Variants in RMI1 observed in about 807,000 individuals in gnomAD.
RMI1 encodes the protein recQ-mediated genome instability protein 1.
A neutral mutation model predicts 46.7 loss-of-function variants in RMI1; 36 were observed. The ratio of observed to expected loss-of-function variants is 0.77; its 90% CI spans 0.59 to 1.02. The LOEUF (loss-of-function observed/expected upper bound fraction) is 1.02, where lower values mean the gene tolerates loss of function less well. RMI1 is among the 50% of genes least tolerant of loss of function. RMI1 has a pLI of 0.00. For missense variants in RMI1, 676 were observed against 713.7 expected, an observed-to-expected ratio of 0.95 and a Z score of 0.60; for synonymous variants, 250 against 252.9, an observed-to-expected ratio of 0.99 and a Z score of 0.11.
chr9:83,988,972 T>C (rs2133107843), intron 1 of RMI1, among the ~76,000 whole-genome samples: 1 of 152,278 alleles, frequency 6.6e-6, no homozygotes, highest in South Asian at 2.1e-4. Context: ...TCCTCCCATC[T>C]CAACCTCCTG....
In RMI1 at chr9:84,002,325, G is replaced by A. The variant is rs1957750909; in HGVS notation, c.1339G>A (p.Val447Met). 1.9e-6 allele frequency: 3 copies of A among 1,600,108 alleles called. No individual in the cohort carries two copies. The highest frequency in any genetic ancestry group is 2.2e-5 in the South Asian group (2 of 90,558). The change falls in exon 3 of 3, where the codon GTG becomes ATG. Residue 447 changes from valine (V) to methionine (M), a missense_variant. Val to Met is a conservative substitution (Grantham distance 21, BLOSUM62 1). Coordinates refer to ENST00000445877, the MANE Select transcript of RMI1 (RefSeq NM_001358291.2). ...SLNNKILNREVVNYVQKRNSQ... is the reference protein window; with the variant it reads ...SLNNKILNREMVNYVQKRNSQ... ...AAATAATAAAATATTAAATAGAGAG[G>A]TGGTCAACTATGTACAGAAAAGGAA...
In RMI1 at chr9:84,002,922, T is replaced by C; in HGVS notation, c.*58T>C. The C allele has an allele frequency of 9.3e-7, 1 of 1,070,538 alleles. No individual in the cohort carries two copies. The allele number at this position is 1,070,538 out of a possible 1,614,324, so 66.3% of individuals were successfully genotyped here. A position where few individuals can be genotyped will look rare whatever the true frequency, so the allele number is the denominator to read the frequency against. ...ACAACAAGGAAATATTTAGAATTTG[T>C]TCACAATTTTACTTATGATACTTTG... On this transcript the variant is annotated 3_prime_UTR_variant, in exon 3 of 3. Transcript: ENST00000445877.
intron 1 of RMI1, among the ~76,000 whole-genome samples, chr9:83,998,154 T>A (rs1298729762): frequency 6.6e-6 from 1 of 152,190 alleles, no homozygotes; most frequent in Non-Finnish European, 1.5e-5. Flanking sequence ...ATTTGGTTTC[T>A]TTGTTAAAGA....
chr9:83,982,392 G>A lies in RMI1; in HGVS notation c.-126+1501G>A, dbSNP rs201460943. Among the ~76,000 whole-genome samples, 43 of 152,244 alleles carry A rather than the reference G, an allele frequency of 2.8e-4. No individual in the cohort carries two copies. The East Asian group carries it at 6.7e-3, about 24-fold the overall frequency. On this transcript the variant is annotated intron_variant, in intron 1 of 2. Transcript: ENST00000445877. The stretch of plus-strand genomic sequence containing the variant: ...ATAAGAACCTCTTCCGGCCGGGCAC[G>A]GTGGCTCACGCCTGTAATCCCAGCA...
At chr9:83,983,090 A>G (rs1173181448) in intron 1 of RMI1, among the ~76,000 whole-genome samples, 2 of 152,252 alleles carry the variant, frequency 1.3e-5, no homozygotes, top group Non-Finnish European at 2.9e-5. Context: ...AATGTACACT[A>G]TCCAGCTGCA....
intron 1 of RMI1, among the ~76,000 whole-genome samples, chr9:83,994,996 C>T (rs1957628743): frequency 6.6e-6 from 1 of 151,932 alleles, no homozygotes; most frequent in African/African-American, 2.4e-5. Context: ...AAAATTTCAA[C>T]CATTATTTAT....
intron 1 of RMI1, among the ~76,000 whole-genome samples, chr9:83,992,013 A>G (rs1245100649): frequency 6.6e-6 from 1 of 152,142 alleles, no homozygotes; most frequent in African/African-American, 2.4e-5. Flanking sequence ...GTTATTTTTT[A>G]TAAAAAGATT....
intron 1 of RMI1, among the ~76,000 whole-genome samples, chr9:83,989,780 T>C (rs970256509): frequency 3.9e-5 from 6 of 152,044 alleles, no homozygotes; most frequent in Non-Finnish European, 7.4e-5. Context: ...TAAAAAACAG[T>C]ATGGAGGTTC....
intron 2 of RMI1, among the ~76,000 whole-genome samples, chr9:84,000,593 G>T (rs1241187424): frequency 6.6e-6 from 1 of 152,154 alleles, no homozygotes; most frequent in Non-Finnish European, 1.5e-5. Context: ...TCCTTTATAG[G>T]TCTGACATTA....
In RMI1 at chr9:84,001,897, T is replaced by C; in HGVS notation, c.911T>C (p.Ile304Thr). Residue 304 changes from isoleucine (I) to threonine (T), a missense_variant, in exon 3 of 3, where the codon ATA becomes ACA. By Grantham distance (89) the Ile-to-Thr change is moderately conservative. Coordinates refer to ENST00000445877, the MANE Select transcript of RMI1 (RefSeq NM_001358291.2). ...AAAGAGGAACCATCAAACCTATCTA[T>C]ACATGTAATGGATGGAGAATTAGAT... ...RPKEEPSNLS[I>T]HVMDGELDDF... 1 of 1,614,060 alleles carries C rather than the reference T, an allele frequency of 6.2e-7. No homozygotes were observed. The highest frequency in any genetic ancestry group is 8.5e-7 in the Non-Finnish European group (1 of 1,179,950).
At position 83,987,210 on chromosome 9, in the gene RMI1, G is replaced by A. The variant is rs1009413939; in HGVS notation, c.-126+6319G>A. On this transcript the variant is annotated intron_variant, in intron 1 of 2. Coordinates refer to ENST00000445877, the MANE Select transcript of RMI1 (RefSeq NM_001358291.2). ...CCTGAGTAGCTGGAATTACAAGCAC[G>A]TGCCACCACGCCCAGCTAATTTTTG... 2.6e-5 allele frequency among the ~76,000 whole-genome samples: 4 copies of A among 151,980 alleles called. No homozygotes were observed. In the East Asian group the frequency reaches 5.8e-4, roughly 22 times the overall value.
At chr9:83,990,778 AT>A (rs1453308938) in intron 1 of RMI1, among the ~76,000 whole-genome samples, 1 of 151,938 alleles carries the variant, frequency 6.6e-6, no homozygotes, top group Admixed American at 6.6e-5. Context: ...TCATTTTAAT[AT>A]TTGTTTTCTT....
intron 1 of RMI1, among the ~76,000 whole-genome samples, chr9:83,991,026 C>T (rs952089786): frequency 1.3e-5 from 2 of 152,052 alleles, no homozygotes; most frequent in South Asian, 2.1e-4. Context: ...AGGCTGGTCT[C>T]GAACTCCCGA....
At chr9:83,993,847 G>T (rs1479974353) in intron 1 of RMI1, among the ~76,000 whole-genome samples, 1 of 151,776 alleles carries the variant, frequency 6.6e-6, no homozygotes, top group Non-Finnish European at 1.5e-5. Flanking sequence ...GAGTGCAGTC[G>T]CACACTTACG....
At chr9:83,994,544 T>C (rs1214933095) in intron 1 of RMI1, among the ~76,000 whole-genome samples, 2 of 152,240 alleles carry the variant, frequency 1.3e-5, no homozygotes, top group East Asian at 1.9e-4. Flanking sequence ...CACCATTTGC[T>C]GAAGAGAGTA....
rs184680604 is a variant in RMI1 at position 83,981,576 on chromosome 9, C to T, written c.-126+685C>T. On this transcript the variant is annotated intron_variant, in intron 1 of 2. Transcript: ENST00000445877. ...AGGTCACTTTCAATCGGTGACAGCC[C>T]TGGGAAATCTCCAGCCCTGGTAGTA... Among the ~76,000 whole-genome samples, 188 of 152,294 alleles carry T rather than the reference C, an allele frequency of 1.2e-3. 1 individual carries two copies. Among genetic ancestry groups the T allele is most frequent in the Non-Finnish European group, 2.6e-4 (18 of 68,016 alleles).
chr9:84,001,162 C>T lies in RMI1; in HGVS notation c.176C>T (p.Thr59Ile). 1.2e-6 allele frequency: 2 copies of T among 1,614,096 alleles called. No individual in the cohort carries two copies. The highest frequency in any genetic ancestry group is 1.7e-6 in the Non-Finnish European group (2 of 1,179,966). ...CAAGTGTTTGAGCAGTGGCTCCTTA[C>T]TGATCTGAGGGATTTGGAGCATCCT... ...NKQVFEQWLL[T>I]DLRDLEHPLL... Residue 59 changes from threonine (T) to isoleucine (I), a missense_variant, in exon 3 of 3, where the codon ACT (threonine) becomes ATT (isoleucine). Coordinates refer to ENST00000445877, the MANE Select transcript of RMI1 (RefSeq NM_001358291.2).
At chr9:83,984,044 C>T (rs1957455780) in intron 1 of RMI1, among the ~76,000 whole-genome samples, 1 of 151,772 alleles carries the variant, frequency 6.6e-6, no homozygotes, top group Non-Finnish European at 1.5e-5. Context: ...AAACTCTCTG[C>T]CACATAAATC....
At chr9:83,996,001 C>CA (rs1957647051) in intron 1 of RMI1, among the ~76,000 whole-genome samples, 1 of 152,088 alleles carries the variant, frequency 6.6e-6, no homozygotes, top group Non-Finnish European at 1.5e-5. Flanking sequence ...ATTTAAAAAA[C>CA]TGTCTTCAGG....
Sources: allele counts gnomAD v4.1 joint callset (sites outside exome capture counted in the v4.1 genomes callset), GRCh38; gene constraint gnomAD v4.1.1; transcripts MANE v1.5; gene names NCBI Gene and HGNC (gene_info 2026-07-23, HGNC 2026-07-21).